DEGS2: variants seen among roughly 807,000 people sequenced by gnomAD.
DEGS2 encodes the protein delta 4-desaturase, sphingolipid 2, also known as sphingolipid delta(4)-desaturase/C4-monooxygenase DES2.
DEGS2 carries 19 observed loss-of-function variants against 23.8 expected under a neutral mutation model. The ratio of observed to expected loss-of-function variants is 0.80; its 90% confidence interval spans 0.56 to 1.17. The LOEUF is 1.17. Among genes scored for constraint, DEGS2 ranks in the 50% most tolerant of loss-of-function variants. DEGS2 has a pLI of 0.00. For missense variants in DEGS2, 390 were observed against 459.5 expected (o/e 0.85, Z 1.38); for synonymous variants, 218 against 213.7 (o/e 1.02, Z -0.18).
At chr14:100,148,614 G>A (rs1361515767) in intron 2 of DEGS2, among the ~76,000 whole-genome samples, 1 of 152,258 alleles carries the variant, frequency 6.6e-6, no homozygotes, top group Admixed American at 6.5e-5. Flanking sequence ...GACAAGGAAT[G>A]AGCAGGGAAA....
upstream of DEGS2, chr14:100,160,089 T>A (rs1026372966): frequency 1.3e-5 from 2 of 152,342 alleles, no homozygotes; most frequent in Non-Finnish European, 2.9e-5. Context: ...AGGATCGGCG[T>A]GGAATGGATG....
chr14:100,147,261 G>A (rs140473003), intron 2 of DEGS2, among the ~76,000 whole-genome samples: 70 of 152,288 alleles, frequency 4.6e-4, no homozygotes, highest in Middle Eastern at 3.4e-3. Context: ...AGCTCAGAGC[G>A]CCTGCCCCAA....
At position 100,149,245 on chromosome 14, in the gene DEGS2, G is replaced by T; in HGVS notation, c.548C>A (p.Thr183Asn). 6.2e-7 allele frequency: 1 copy of T among 1,612,852 alleles called. No individual in the cohort carries two copies. The highest frequency in any genetic ancestry group is 8.5e-7 in the Non-Finnish European group (1 of 1,179,894). ...CAGCGTGTTGAGCACCTCCATGCGG[G>T]TCACGGCCTTGGGGTGGACGCAGAG... is the stretch of plus-strand genomic sequence containing the variant. ...RPLCVHPKAV[T>N]RMEVLNTLVQ... The change falls in exon 2 of 3, where the codon ACC (threonine) becomes AAC (asparagine). Residue 183 changes from threonine to asparagine, a missense_variant. Physicochemically the swap from Thr to Asn is moderately conservative, Grantham distance 65. Transcript: ENST00000305631.
intron 1 of DEGS2, 61 bp from the exon 2 acceptor site, chr14:100,149,771 C>A: frequency 6.6e-7 from 1 of 1,508,124 alleles, no homozygotes; most frequent in Non-Finnish European, 9.0e-7. Flanking sequence ...CGCCCTCCTC[C>A]GCTCCCACTG....
At chr14:100,166,417 C>CCCCCA in the DEGS2 span, among the ~76,000 whole-genome samples, 1 of 150,022 alleles carries the variant, frequency 6.7e-6, no homozygotes, top group Non-Finnish European at 1.5e-5. Flanking sequence ...AGTGTGAGGA[C>CCCCCA]CCCCGCCCCC....
chr14:100,164,564 G>A (rs925753769), upstream of DEGS2, among the ~76,000 whole-genome samples: 9 of 152,164 alleles, frequency 5.9e-5, no homozygotes, highest in Admixed American at 5.9e-4. Context: ...TTGTACCAGG[G>A]AGGCAGGGGT....
intron 1 of DEGS2, among the ~76,000 whole-genome samples, chr14:100,159,099 C>T (rs1293731248): frequency 6.6e-6 from 1 of 152,190 alleles, no homozygotes; most frequent in African/African-American, 2.4e-5. Context: ...CGCCCAGTGA[C>T]TGCGGGTGGA....
the DEGS2 span, among the ~76,000 whole-genome samples, chr14:100,165,432 G>A: frequency 6.6e-6 from 1 of 152,276 alleles, no homozygotes; most frequent in Admixed American, 6.5e-5. Flanking sequence ...CTGCTCTTGA[G>A]AACTGTGAGT....
the DEGS2 span, among the ~76,000 whole-genome samples, chr14:100,166,452 G>A: frequency 6.6e-6 from 1 of 151,994 alleles, no homozygotes; most frequent in South Asian, 2.1e-4. Context: ...GGCAGGAGGC[G>A]CCCTACCCTC....
intron 1 of DEGS2, among the ~76,000 whole-genome samples, chr14:100,159,116 G>C (rs1174175575): frequency 6.6e-6 from 1 of 152,166 alleles, no homozygotes; most frequent in Non-Finnish European, 1.5e-5. Flanking sequence ...TGGAGGCCCC[G>C]CGTCGCGCAA....
At chr14:100,164,427 G>A (rs1889784159), upstream of DEGS2, among the ~76,000 whole-genome samples, 1 of 152,068 alleles carries the variant, frequency 6.6e-6, no homozygotes, top group African/African-American at 2.4e-5. Context: ...CTTGAGGCCA[G>A]GAGTTCAAAA....
In DEGS2 at chr14:100,147,676, G is replaced by A. The variant is rs1438343300; in HGVS notation, c.826-769C>T. Among the ~76,000 whole-genome samples the A allele has an allele frequency of 1.0e-4, 8 of 79,396 alleles. No homozygotes were observed. The Admixed American group carries it at 1.2e-3, about 11-fold the overall frequency. The allele number at this position is 79,396 out of a possible 152,430, so 52.1% of individuals were successfully genotyped here. A position where few individuals can be genotyped will look rare whatever the true frequency, so the allele number is the denominator to read the frequency against. On this transcript the variant is annotated intron_variant, in intron 2 of 2. Coordinates refer to ENST00000305631, the MANE Select transcript of DEGS2 (RefSeq NM_206918.3). ...CCTCCCTGCCCCCCCCCCCCAGGAT[G>A]CCTTTCCTGCCCCCTCTTTGCCCTG... is the stretch of plus-strand genomic sequence containing the variant.
In DEGS2 at chr14:100,154,171, C is replaced by G. The variant is rs970574492; in HGVS notation, c.83-4461G>C. On this transcript the variant is annotated intron_variant, in intron 1 of 2. Coordinates refer to ENST00000305631, the MANE Select transcript of DEGS2 (RefSeq NM_206918.3). The stretch of plus-strand genomic sequence containing the variant: ...CTTGAGGTCAGGAGTTCAAAACCAG[C>G]CTGGCCAACATGGTGAAACCCCGTC... 2.6e-5 allele frequency among the ~76,000 whole-genome samples: 4 copies of G among 152,254 alleles called. No individual in the cohort carries two copies. In the South Asian group the frequency reaches 6.2e-4, roughly 24 times the overall value.
At chr14:100,162,287 A>G (rs1454009827), upstream of DEGS2, among the ~76,000 whole-genome samples, 2 of 152,110 alleles carry the variant, frequency 1.3e-5, no homozygotes, top group African/African-American at 4.8e-5. Flanking sequence ...CGGAGCTTGC[A>G]GTGAGCCGAG....
chr14:100,166,683 C>A, the DEGS2 span, among the ~76,000 whole-genome samples: 10 of 152,066 alleles, frequency 6.6e-5, no homozygotes, highest in Non-Finnish European at 1.3e-4. Context: ...CCTCGGAGGT[C>A]GGGTAAGACG....
chr14:100,146,664 T>G lies in DEGS2; in HGVS notation c.*97A>C. 6.6e-7 allele frequency: 1 copy of G among 1,524,278 alleles called. No homozygotes were observed. Among genetic ancestry groups the G allele is most frequent in the South Asian group, 1.3e-5 (1 of 79,556 alleles). The allele number at this position is 1,524,278 out of a possible 1,614,324, so 94.4% of individuals were successfully genotyped here. A position where few individuals can be genotyped will look rare whatever the true frequency, so the allele number is the denominator to read the frequency against. Reference sequence around the variant, plus strand: ...CACTCCTCGGGGACAAGGGCAGCAGTCCAGAGCACAGGAAGGAAATGTAGC... The same window carrying G: ...CACTCCTCGGGGACAAGGGCAGCAGGCCAGAGCACAGGAAGGAAATGTAGC... On this transcript the variant is annotated 3_prime_UTR_variant, in exon 3 of 3. Transcript: ENST00000305631.
upstream of DEGS2, among the ~76,000 whole-genome samples, chr14:100,162,075 C>T (rs1362402821): frequency 9.1e-5 from 13 of 143,296 alleles, no homozygotes; most frequent in Admixed American, 4.2e-4. Flanking sequence ...AGGCCGGGCA[C>T]GGTGGCTCAC....
chr14:100,162,414 G>A (rs1346509624), upstream of DEGS2, among the ~76,000 whole-genome samples: 1 of 151,518 alleles, frequency 6.6e-6, no homozygotes, highest in Non-Finnish European at 1.5e-5. Flanking sequence ...AGTTTATTAG[G>A]CCAGGTGCAG....
chr14:100,156,357 CAG>C (rs1274233791), intron 1 of DEGS2, among the ~76,000 whole-genome samples: 2 of 152,240 alleles, frequency 1.3e-5, no homozygotes, highest in African/African-American at 4.8e-5. Context: ...ATGGAGGAAG[CAG>C]AGAGTATTCC....
Sources: allele counts gnomAD v4.1 joint callset (sites outside exome capture counted in the v4.1 genomes callset), GRCh38; gene constraint gnomAD v4.1.1; transcripts MANE v1.5; gene names NCBI Gene and HGNC (gene_info 2026-07-23, HGNC 2026-07-21).